The following NEXMIF variants were observed in gnomAD, a reference collection of about 807,000 sequenced individuals.
NEXMIF encodes the protein XLMR protein related to neurite extension.
A neutral mutation model predicts 62.1 loss-of-function variants in NEXMIF; 8 were observed. The observed-to-expected ratio is 0.13, with a 90% CI of 0.08 to 0.23. NEXMIF has a LOEUF of 0.23. NEXMIF is among the 10% of genes least tolerant of loss of function. NEXMIF has a pLI of 1.00. For missense variants in NEXMIF, 976 were observed against 1,113.3 expected (o/e 0.88, Z 1.75); for synonymous variants, 404 against 416.6 (o/e 0.97, Z 0.37).
chrX:74,831,015 C>G (rs1320858508), intron 1 of NEXMIF, among the ~76,000 whole-genome samples: 1 of 110,471 alleles, frequency 9.1e-6, no homozygotes, highest in Non-Finnish European at 1.9e-5. Context: ...ACTTTGACTT[C>G]TTCCTTTCCA....
chrX:74,764,907 G>C (rs1249586452), intron 1 of NEXMIF, among the ~76,000 whole-genome samples: 2 of 111,658 alleles, frequency 1.8e-5, no homozygotes, highest in Non-Finnish European at 3.8e-5. Context: ...CTGTTGTTTT[G>C]GGGTGGAGCA....
At chrX:74,776,452 G>A (rs1351550128) in intron 1 of NEXMIF, among the ~76,000 whole-genome samples, 6 of 111,367 alleles carry the variant, frequency 5.4e-5, no homozygotes, top group Admixed American at 1.9e-4. Context: ...TTGGCCGGGC[G>A]CGGTGGCTCA....
rs56371920 is a variant in NEXMIF, at chrX:74,753,950, G to A, written c.-47-8253C>T. ...AGAGGGACTAGGGATACCATGACAA[G>A]TACAAAAGTTTCTTTATTTTTTATT... On this transcript the variant is annotated intron_variant, in intron 1 of 3. Transcript: ENST00000055682. 3.3e-3 allele frequency among the ~76,000 whole-genome samples: 371 copies of A among 111,998 alleles called. 2 individuals carry two copies. The highest frequency in any genetic ancestry group is 9.2e-3 in the Middle Eastern group (2 of 217).
At chrX:74,903,805 G>C (rs1009145757) in intron 1 of NEXMIF, among the ~76,000 whole-genome samples, 7 of 110,812 alleles carry the variant, frequency 6.3e-5, no homozygotes, top group Non-Finnish European at 9.4e-5. Context: ...CTCCCAGCAA[G>C]CCTTCATAGT....
chrX:74,804,932 C>T (rs965524690), intron 1 of NEXMIF, among the ~76,000 whole-genome samples: 2 of 112,023 alleles, frequency 1.8e-5, no homozygotes, highest in Non-Finnish European at 3.8e-5. Flanking sequence ...ACTAGATGTG[C>T]GATTCCCCTC....
chrX:74,800,528 C>A (rs972239822), intron 1 of NEXMIF, among the ~76,000 whole-genome samples: 7 of 110,917 alleles, frequency 6.3e-5, no homozygotes, highest in African/African-American at 2.0e-4. Context: ...CAATTCAGAA[C>A]AGTTCCGTGA....
At chrX:74,921,291 ACT>A (rs2080826236) in intron 1 of NEXMIF, among the ~76,000 whole-genome samples, 1 of 110,262 alleles carries the variant, frequency 9.1e-6, no homozygotes, top group Admixed American at 9.7e-5. Flanking sequence ...TCCATAAAAG[ACT>A]CTATCATCAC....
intron 1 of NEXMIF, among the ~76,000 whole-genome samples, chrX:74,919,846 A>G (rs980662561): frequency 9.1e-6 from 1 of 110,300 alleles, no homozygotes; most frequent in African/African-American, 3.3e-5. Context: ...TCATTGTTCA[A>G]TTCCCACCTA....
intron 1 of NEXMIF, among the ~76,000 whole-genome samples, chrX:74,860,881 A>G (rs1357166907): frequency 1.8e-5 from 2 of 111,819 alleles, no homozygotes; most frequent in East Asian, 5.6e-4. Context: ...AGTAGAAGAA[A>G]AGAAATAAGA....
chrX:74,790,651 T>C (rs1444157666), intron 1 of NEXMIF, among the ~76,000 whole-genome samples: 1 of 113,665 alleles, frequency 8.8e-6, no homozygotes, highest in African/African-American at 3.2e-5. Context: ...TTTTATTTCA[T>C]TGAGCAGTAG....
At chrX:74,770,050 C>A (rs1034876128) in intron 1 of NEXMIF, among the ~76,000 whole-genome samples, 1 of 111,173 alleles carries the variant, frequency 9.0e-6, no homozygotes, top group African/African-American at 3.3e-5. Context: ...TAAAATTAGT[C>A]CCCGTTCATA....
intron 1 of NEXMIF, among the ~76,000 whole-genome samples, chrX:74,795,896 G>A (rs781519036): frequency 9.4e-6 from 1 of 105,889 alleles, no homozygotes; most frequent in East Asian, 3.0e-4. Context: ...AGTTGATAAA[G>A]CTGTTGTCAT....
intron 1 of NEXMIF, among the ~76,000 whole-genome samples, chrX:74,809,671 G>T (rs1156651125): frequency 9.0e-6 from 1 of 111,461 alleles, no homozygotes; most frequent in Non-Finnish European, 1.9e-5. Flanking sequence ...ACATGCTAGA[G>T]GTTGAATTCG....
At chrX:74,834,652 C>T (rs931178961) in intron 1 of NEXMIF, among the ~76,000 whole-genome samples, 2 of 112,056 alleles carry the variant, frequency 1.8e-5, no homozygotes, top group Admixed American at 1.9e-4. Flanking sequence ...AAGGTTTCCA[C>T]TGAAAAGACT....
At chrX:74,777,293 C>A (rs1051771116) in intron 1 of NEXMIF, among the ~76,000 whole-genome samples, 4 of 110,897 alleles carry the variant, frequency 3.6e-5, no homozygotes, top group Non-Finnish European at 7.5e-5. Flanking sequence ...ATTTTTGACC[C>A]TGTTTAAATT....
At chrX:74,784,217 A>C (rs1407611635) in intron 1 of NEXMIF, among the ~76,000 whole-genome samples, 3 of 111,900 alleles carry the variant, frequency 2.7e-5, no homozygotes, top group Non-Finnish European at 3.8e-5. Flanking sequence ...TTTTCTAGGA[A>C]GCACCTGCCT....
At chrX:74,858,073 C>T (rs1417657983) in intron 1 of NEXMIF, among the ~76,000 whole-genome samples, 4 of 112,354 alleles carry the variant, frequency 3.6e-5, no homozygotes, top group Non-Finnish European at 7.5e-5. Context: ...CAAGAGCTGC[C>T]TGGGACCTAG....
chrX:74,801,236 G>A (rs1327430092), intron 1 of NEXMIF, among the ~76,000 whole-genome samples: 2 of 111,972 alleles, frequency 1.8e-5, no homozygotes, highest in Non-Finnish European at 3.8e-5. Flanking sequence ...AGACATCACG[G>A]TTGCTTAGAA....
At position 74,900,462 on chromosome X, in the gene NEXMIF, C is replaced by CAA. The variant is rs758887978; in HGVS notation, c.-48+24419_-48+24420dup. 6.6e-4 allele frequency among the ~76,000 whole-genome samples: 22 copies of CAA among 33,353 alleles called. 1 individual carries two copies. Among genetic ancestry groups the CAA allele is most frequent in the African/African-American group, 2.2e-3 (21 of 9,739 alleles). 29.0% of individuals were successfully genotyped at this position (33,353 alleles called of 115,157 possible). A position where few individuals can be genotyped will look rare whatever the true frequency, so the allele number is the denominator to read the frequency against. On this transcript the variant is annotated intron_variant, in intron 1 of 3. Coordinates refer to ENST00000055682, the MANE Select transcript of NEXMIF (RefSeq NM_001008537.3). The stretch of plus-strand genomic sequence containing the variant: ...CTGGCAACAGAGTGAGACTCCGTCT[C>CAA]AAAAAAAAAAAAAAAAAGAAAAAGA...
Sources: allele counts gnomAD v4.1 joint callset (sites outside exome capture counted in the v4.1 genomes callset), GRCh38; gene constraint gnomAD v4.1.1; transcripts MANE v1.5; gene names NCBI Gene and HGNC (gene_info 2026-07-23, HGNC 2026-07-21).